Variants in SPATS2 observed in about 807,000 individuals in gnomAD.
SPATS2 encodes the protein spermatogenesis associated serine rich 2, also known as spermatogenesis-associated serine-rich protein 2.
Under a neutral mutation model 63.7 loss-of-function variants are expected in SPATS2, and 38 were observed. The ratio of observed to expected loss-of-function variants is 0.60; its 90% confidence interval spans 0.46 to 0.78. The LOEUF (loss-of-function observed/expected upper bound fraction) is 0.78. SPATS2 is among the 30% of genes least tolerant of loss of function. The pLI, the probability that SPATS2 is intolerant of heterozygous loss-of-function variation, is 0.00. For synonymous variants in SPATS2, 207 were observed against 232.9 expected, an observed-to-expected ratio of 0.89 and a Z score of 1.01; for missense variants, 588 against 666.2, an observed-to-expected ratio of 0.88 and a Z score of 1.29.
At chr12:49,412,217 T>G (rs993463258) in intron 2 of SPATS2, among the ~76,000 whole-genome samples, 5 of 152,076 alleles carry the variant, frequency 3.3e-5, no homozygotes, top group Non-Finnish European at 7.4e-5. Context: ...ATTTTTGAGA[T>G]GGATTCTCTC....
At chr12:49,496,159 A>C (rs575055232) in intron 7 of SPATS2, among the ~76,000 whole-genome samples, 1 of 152,322 alleles carries the variant, frequency 6.6e-6, no homozygotes, top group East Asian at 1.9e-4. Context: ...AAAACATTGC[A>C]CTGACTCAAA....
chr12:49,503,774 G>C (rs904449584), intron 9 of SPATS2, among the ~76,000 whole-genome samples: 1 of 152,100 alleles, frequency 6.6e-6, no homozygotes. Flanking sequence ...GATTCCATTC[G>C]GAACAAGCTT....
At position 49,486,105 on chromosome 12, in the gene SPATS2, A is replaced by G. The variant is rs148419573; in HGVS notation, c.105+1436A>G. 14 of 386,894 alleles carry G rather than the reference A, an allele frequency of 3.6e-5. No homozygotes were observed. In the East Asian group the frequency reaches 8.2e-4, roughly 23 times the overall value. The allele number at this position is 386,894 out of a possible 1,614,324, so 24.0% of individuals were successfully genotyped here. A position where few individuals can be genotyped will look rare whatever the true frequency, so the allele number is the denominator to read the frequency against. On this transcript the variant is annotated intron_variant, in intron 4 of 13. Transcript: ENST00000552918. ...AATTGTTGACTATGGAGTCCTGTAC[A>G]GTGGTTGAGTACTATAAATACTTGT...
intron 2 of SPATS2, among the ~76,000 whole-genome samples, chr12:49,423,982 C>T (rs1408400017): frequency 6.6e-6 from 1 of 152,142 alleles, no homozygotes; most frequent in Non-Finnish European, 1.5e-5. Context: ...GCGGGCAAAT[C>T]ACTTGAGGTT....
In SPATS2 at chr12:49,449,469, C is replaced by T. The variant is rs183704835; in HGVS notation, c.-243-11301C>T. 2.6e-4 allele frequency among the ~76,000 whole-genome samples: 39 copies of T among 152,336 alleles called. 1 individual carries two copies. The East Asian group carries it at 7.3e-3, about 29-fold the overall frequency. On this transcript the variant is annotated intron_variant, in intron 2 of 13. Coordinates refer to ENST00000552918, the MANE Select transcript of SPATS2 (RefSeq NM_023071.4). ...GACCTGATGATCCGCCTGCCTCAGC[C>T]TCCCAAAGTGCTGGGATTACAGGCG...
chr12:49,522,940 A>G (rs1334062096), intron 12 of SPATS2, 87 bp downstream of exon 12: 2 of 1,107,204 alleles, frequency 1.8e-6, no homozygotes, highest in East Asian at 2.4e-5. Flanking sequence ...CTGATTCCTC[A>G]TTAGTGCCTC....
chr12:49,423,616 A>G (rs1382633219), intron 2 of SPATS2, among the ~76,000 whole-genome samples: 1 of 152,218 alleles, frequency 6.6e-6, no homozygotes, highest in Non-Finnish European at 1.5e-5. Flanking sequence ...TTAGAAAATT[A>G]TAAGCATTCA....
chr12:49,448,355 G>A (rs1050933487), intron 2 of SPATS2, among the ~76,000 whole-genome samples: 1 of 151,664 alleles, frequency 6.6e-6, no homozygotes, highest in Non-Finnish European at 1.5e-5. Context: ...TAGTCAGGAT[G>A]GTCTCGATCT....
chr12:49,381,320 A>G (rs1325683348), intron 2 of SPATS2, among the ~76,000 whole-genome samples: 1 of 152,178 alleles, frequency 6.6e-6, no homozygotes, highest in African/African-American at 2.4e-5. Context: ...CTCAATAACT[A>G]TTAGCTAATA....
intron 2 of SPATS2, among the ~76,000 whole-genome samples, chr12:49,411,239 C>T (rs1439281920): frequency 6.6e-6 from 1 of 152,118 alleles, no homozygotes; most frequent in African/African-American, 2.4e-5. Context: ...CATACTCAGT[C>T]CTCTTGCCAT....
intron 2 of SPATS2, among the ~76,000 whole-genome samples, chr12:49,391,358 A>G (rs1944415383): frequency 6.6e-6 from 1 of 152,184 alleles, no homozygotes; most frequent in Non-Finnish European, 1.5e-5. Flanking sequence ...CTAAAAATAC[A>G]AAAATTAGCT....
intron 2 of SPATS2, among the ~76,000 whole-genome samples, chr12:49,384,467 T>C (rs1944276272): frequency 6.6e-6 from 1 of 152,224 alleles, no homozygotes; most frequent in Non-Finnish European, 1.5e-5. Flanking sequence ...ACTAACAGAT[T>C]GGTATTTTTC....
chr12:49,526,078 GTAT>G lies in SPATS2; in HGVS notation c.1462_1464del (p.Tyr488del), dbSNP rs1947029026. The stretch of plus-strand genomic sequence containing the variant: ...GCTCGTGGTATTCATCTGGTTCCAG[GTAT>G]CAGAGTGCTCCATCTCAGGCACCAG... On this transcript the variant is annotated inframe_deletion, in exon 14 of 14. Coordinates refer to ENST00000552918, the MANE Select transcript of SPATS2 (RefSeq NM_023071.4). 6.2e-7 allele frequency: 1 copy of G among 1,614,088 alleles called. No homozygotes were observed. The highest frequency in any genetic ancestry group is 1.7e-5 in the Admixed American group (1 of 60,004).
intron 2 of SPATS2, among the ~76,000 whole-genome samples, chr12:49,434,308 C>T (rs915166282): frequency 6.6e-6 from 1 of 152,076 alleles, no homozygotes; most frequent in Non-Finnish European, 1.5e-5. Context: ...TAATATTTAT[C>T]GTTTTAACCA....
intron 2 of SPATS2, among the ~76,000 whole-genome samples, chr12:49,414,853 C>T (rs955912071): frequency 6.6e-6 from 1 of 152,052 alleles, no homozygotes; most frequent in African/African-American, 2.4e-5. Flanking sequence ...CCTACCTTGG[C>T]CCCACAAAGT....
intron 2 of SPATS2, among the ~76,000 whole-genome samples, chr12:49,410,168 C>T (rs186136073): frequency 4.6e-5 from 7 of 152,036 alleles, no homozygotes; most frequent in Non-Finnish European, 8.8e-5. Flanking sequence ...CTCTGCCTCC[C>T]GGGCTCTAGC....
chr12:49,453,927 A>G (rs1209883049), intron 2 of SPATS2, among the ~76,000 whole-genome samples: 7 of 124,540 alleles, frequency 5.6e-5, no homozygotes, highest in Non-Finnish European at 1.1e-4. Context: ...CAGTGGCATG[A>G]TTTCAGCTCA....
chr12:49,477,157 A>G (rs1946132788), intron 3 of SPATS2, among the ~76,000 whole-genome samples: 1 of 152,000 alleles, frequency 6.6e-6, no homozygotes, highest in Non-Finnish European at 1.5e-5. Flanking sequence ...ATTCTATTGC[A>G]CCTACTGAAA....
intron 11 of SPATS2, 112 bp from the exon 12 acceptor site, chr12:49,522,639 T>G: frequency 2.5e-6 from 2 of 815,148 alleles, no homozygotes; most frequent in South Asian, 1.8e-5. Flanking sequence ...TTTAATAAAC[T>G]TTGAAGCAAT....
Sources: gnomAD v4.1 joint callset for allele counts (sites outside exome capture counted in the v4.1 genomes callset) on GRCh38, gnomAD v4.1.1 for gene constraint, MANE v1.5 for transcripts, NCBI Gene and HGNC (gene_info 2026-07-23, HGNC 2026-07-21) for gene names.